PCDH15: variants seen among roughly 807,000 people sequenced by gnomAD.
PCDH15 encodes the protein protocadherin-15.
In PCDH15, 129 loss-of-function variants were observed where a neutral mutation model predicts 178.5. The ratio of observed to expected loss-of-function variants is 0.72; its 90% CI spans 0.63 to 0.84. The LOEUF is 0.84. PCDH15 is among the 40% of genes least tolerant of loss of function. PCDH15 has a pLI of 0.00. For missense variants in PCDH15, 2,230 were observed against 2,099.9 expected (o/e 1.06, Z -1.21); for synonymous variants, 800 against 732.0 (o/e 1.09, Z -1.50).
intron 2 of PCDH15, among the ~76,000 whole-genome samples, chr10:54,653,526 T>C (rs906593949): frequency 6.6e-6 from 1 of 152,190 alleles, no homozygotes; most frequent in Non-Finnish European, 1.5e-5. Flanking sequence ...GAGGATATTT[T>C]AAAACTTAGG....
intron 3 of PCDH15, among the ~76,000 whole-genome samples, chr10:54,838,372 C>T (rs1564555820): frequency 1.3e-5 from 2 of 152,170 alleles, no homozygotes; most frequent in African/African-American, 4.8e-5. Flanking sequence ...AAAGGCAGTT[C>T]CCCTGCACTC....
intron 2 of PCDH15, among the ~76,000 whole-genome samples, chr10:55,613,794 G>A (rs1843419402): frequency 6.6e-6 from 1 of 152,128 alleles, no homozygotes; most frequent in Non-Finnish European, 1.5e-5. Flanking sequence ...GGTTGATGCA[G>A]CTTTCAATTA....
chr10:53,823,989 T>C (rs1018881849), intron 32 of PCDH15, among the ~76,000 whole-genome samples: 2 of 152,116 alleles, frequency 1.3e-5, no homozygotes, highest in Non-Finnish European at 2.9e-5. Flanking sequence ...ATTTTGTGCT[T>C]AATTAGTTTT....
chr10:54,803,277 T>C (rs1952721642), upstream of PCDH15, among the ~76,000 whole-genome samples: 1 of 152,378 alleles, frequency 6.6e-6, no homozygotes, highest in East Asian at 1.9e-4. Context: ...TTATCATCTA[T>C]GTTTCATTGC....
At chr10:54,602,265 T>C (rs903189167) in intron 2 of PCDH15, among the ~76,000 whole-genome samples, 9 of 152,000 alleles carry the variant, frequency 5.9e-5, no homozygotes, top group Non-Finnish European at 1.0e-4. Context: ...CTTATTATTA[T>C]ATAAATAGGA....
Position 54,687,375 on chromosome 10 carries a change from G to A in PCDH15, c.-28-23085C>T, listed in dbSNP as rs144438009. Among the ~76,000 whole-genome samples, 37 of 152,148 alleles carry A rather than the reference G, an allele frequency of 2.4e-4. 1 individual carries two copies. The East Asian group carries it at 2.5e-3, about 10-fold the overall frequency. ...ATACTAGTACTCTTATGCTCATTGC[G>A]ACTCTATTTACAATATCCAAGATGT... On this transcript the variant is annotated intron_variant, in intron 1 of 37. Transcript: ENST00000644397.
At chr10:54,274,029 A>G (rs1591531898) in intron 8 of PCDH15, among the ~76,000 whole-genome samples, 1 of 152,080 alleles carries the variant, frequency 6.6e-6, no homozygotes, top group East Asian at 1.9e-4. Context: ...GCAAACTACC[A>G]CAGGAAAAGA....
At chr10:55,084,063 T>TA (rs144596249) in intron 2 of PCDH15, among the ~76,000 whole-genome samples, 5,558 of 151,348 alleles carry the variant, frequency 0.037, 137 homozygotes, top group Middle Eastern at 0.099. Flanking sequence ...CACAAAAATA[T>TA]AAAAAAAATT....
intron 3 of PCDH15, among the ~76,000 whole-genome samples, chr10:54,508,554 G>T (rs2137660847): frequency 6.6e-6 from 1 of 152,156 alleles, no homozygotes; most frequent in South Asian, 2.1e-4. Flanking sequence ...GTCTACATTT[G>T]GGCAAAATCA....
At chr10:54,462,512 C>CTTTTTTTTTTTTTTTTTTTTTTTTTTTTT (rs562731025) in intron 3 of PCDH15, among the ~76,000 whole-genome samples, 5 of 66,888 alleles carry the variant, frequency 7.5e-5, no homozygotes, top group African/African-American at 3.0e-4. Context: ...TTTTTCTTTT[C>CTTTTTTTTTTTTTTTTTTTTTTTTTTTTT]TTTTTTTTTT....
At chr10:55,032,341 ATC>A (rs1840633335) in intron 2 of PCDH15, among the ~76,000 whole-genome samples, 1 of 152,232 alleles carries the variant, frequency 6.6e-6, no homozygotes, top group South Asian at 2.1e-4. Context: ...ACAAAAAAAT[ATC>A]TCTTAGTAGA....
chr10:54,294,949 G>A (rs2059653417), intron 8 of PCDH15, among the ~76,000 whole-genome samples: 2 of 152,226 alleles, frequency 1.3e-5, no homozygotes, highest in African/African-American at 4.8e-5. Flanking sequence ...AGAAGATATA[G>A]TTGGTGCAAG....
chr10:54,864,693 G>A (rs1652181608), intron 3 of PCDH15: 1 of 152,134 alleles, frequency 6.6e-6, no homozygotes, highest in Admixed American at 6.6e-5. Context: ...GCAGTGGTGG[G>A]TAGGATGCTT....
rs577573549 is a variant in PCDH15, at chr10:54,403,954, AAG to A, written c.158-25014_158-25013del. The stretch of plus-strand genomic sequence containing the variant: ...CCAAAGAACTACAAAACACTACTTA[AAG>A]AAATCAGAGATGATACAAACAAATG... On this transcript the variant is annotated intron_variant, in intron 3 of 37. Transcript: ENST00000644397. Among the ~76,000 whole-genome samples, 5 of 152,100 alleles carry A rather than the reference AAG, an allele frequency of 3.3e-5. No individual in the cohort carries two copies. The South Asian group carries it at 1.0e-3, about 32-fold the overall frequency.
In PCDH15 at chr10:53,806,931, T is replaced by TTTAAG. The variant is rs1302546675; in HGVS notation, c.4866_4870dup (p.Lys1624ThrfsTer2). On this transcript the variant is annotated stop_gained and frameshift_variant, in exon 38 of 38. Transcript: ENST00000644397. LOFTEE classifies it high-confidence loss of function. ...TCCCAGTCGAACAGGGGAAGCAACT[T>TTTAAG]TTAAGTTGTCCGTGAGGCAGGCACG... 2.5e-6 allele frequency: 4 copies of TTTAAG among 1,613,802 alleles called. No homozygotes were observed. The highest frequency in any genetic ancestry group is 2.2e-5 in the East Asian group (1 of 44,866).
chr10:53,846,385 C>G (rs1312111039), intron 28 of PCDH15, among the ~76,000 whole-genome samples: 1 of 151,800 alleles, frequency 6.6e-6, no homozygotes, highest in Non-Finnish European at 1.5e-5. Flanking sequence ...AAACAGAAAA[C>G]TTCTAAAGAA....
chr10:55,587,860 G>T (rs1289042944), intron 2 of PCDH15, among the ~76,000 whole-genome samples: 1 of 152,002 alleles, frequency 6.6e-6, no homozygotes, highest in Non-Finnish European at 1.5e-5. Flanking sequence ...CTGAACAGTG[G>T]GTGCTCAGTA....
chr10:55,146,068 T>C (rs1431997929), intron 2 of PCDH15, among the ~76,000 whole-genome samples: 1 of 151,844 alleles, frequency 6.6e-6, no homozygotes, highest in Admixed American at 6.6e-5. Flanking sequence ...GCTGATAGAG[T>C]AGGTTTTACG....
chr10:55,031,956 A>G (rs1214653494), intron 2 of PCDH15, among the ~76,000 whole-genome samples: 2 of 152,220 alleles, frequency 1.3e-5, no homozygotes, highest in Non-Finnish European at 2.9e-5. Flanking sequence ...GTTGTAACAA[A>G]TATCTAAAAA....
Sources: gnomAD v4.1 joint callset for allele counts (sites outside exome capture counted in the v4.1 genomes callset) on GRCh38, gnomAD v4.1.1 for gene constraint, MANE v1.5 for transcripts, NCBI Gene and HGNC (gene_info 2026-07-23, HGNC 2026-07-21) for gene names.